The following RTN4 variants were observed in gnomAD, a reference collection of about 807,000 sequenced individuals.
RTN4 encodes reticulon 4.
A neutral mutation model predicts 90.4 loss-of-function variants in RTN4; 32 were observed. The observed-to-expected ratio is 0.35, with a 90% CI of 0.27 to 0.48. The LOEUF (loss-of-function observed/expected upper bound fraction) is 0.48, where lower values mean the gene tolerates loss of function less well. RTN4 is among the 20% of genes least tolerant of loss of function. The pLI, the probability that RTN4 is intolerant of heterozygous loss-of-function variation, is 0.99. For missense variants in RTN4, 1,706 were observed against 1,430.2 expected (o/e 1.19, Z -3.11); for synonymous variants, 629 against 552.5 (o/e 1.14, Z -1.94).
intron 3 of RTN4, among the ~76,000 whole-genome samples, chr2:55,020,343 A>G (rs1166652627): frequency 6.6e-6 from 1 of 152,196 alleles, no homozygotes; most frequent in East Asian, 1.9e-4. Context: ...TACTGGCATA[A>G]AAACAGAAAC....
intron 3 of RTN4, among the ~76,000 whole-genome samples, chr2:54,989,260 T>C (rs1044621566): frequency 2.6e-5 from 4 of 152,220 alleles, no homozygotes; most frequent in Non-Finnish European, 4.4e-5. Flanking sequence ...CAAACACTTA[T>C]TTCAGTTGCC....
intron 1 of RTN4, among the ~76,000 whole-genome samples, chr2:55,032,888 T>C (rs1251942709): frequency 6.6e-6 from 1 of 151,460 alleles, no homozygotes; most frequent in Non-Finnish European, 1.5e-5. Flanking sequence ...AATTAGCCGG[T>C]GTAGTGGTGC....
chr2:55,106,121 T>C (rs1197492222), intron 1 of RTN4, among the ~76,000 whole-genome samples: 3 of 152,166 alleles, frequency 2.0e-5, no homozygotes, highest in African/African-American at 7.2e-5. Context: ...AATATCATAC[T>C]GTTGAGATTT....
chr2:55,016,760 A>C (rs574476727), intron 3 of RTN4, among the ~76,000 whole-genome samples: 7 of 152,174 alleles, frequency 4.6e-5, no homozygotes, highest in Non-Finnish European at 8.8e-5. Flanking sequence ...ACTGCTTCAT[A>C]AACTGTTGCT....
rs1681920678 is a variant in RTN4 at position 55,026,806 on chromosome 2, T to C, written c.1293A>G (p.Gln431=). ...TCTCACTATCTTTTTCGTGATTAGTTTGCTCAAGGCTATCTGCAAAACATT... is the reference window on the plus strand; with the variant it reads ...TCTCACTATCTTTTTCGTGATTAGTCTGCTCAAGGCTATCTGCAAAACATT... ...DKKCFADSLE[Q]TNHEKDSESS... Residue 431 remains glutamine, a synonymous_variant, in exon 3 of 9, where the codon CAA becomes CAG. Coordinates refer to ENST00000337526, the MANE Select transcript of RTN4 (RefSeq NM_020532.5). The C allele has an allele frequency of 6.2e-7, 1 of 1,613,994 alleles. No homozygotes were observed. The highest frequency in any genetic ancestry group is 1.7e-4 in the Middle Eastern group (1 of 6,060).
upstream of RTN4, among the ~76,000 whole-genome samples, chr2:55,052,439 C>T (rs1301955086): frequency 6.6e-6 from 1 of 152,164 alleles, no homozygotes; most frequent in African/African-American, 2.4e-5. Context: ...GGCAATGTTA[C>T]TTGATTGGGT....
chr2:55,087,403 C>T (rs1400847267), intron 1 of RTN4, among the ~76,000 whole-genome samples: 2 of 152,158 alleles, frequency 1.3e-5, no homozygotes, highest in Non-Finnish European at 2.9e-5. Context: ...TATACTTTTA[C>T]AACATATGGA....
At chr2:55,085,731 C>T (rs912475194) in intron 1 of RTN4, among the ~76,000 whole-genome samples, 7 of 152,134 alleles carry the variant, frequency 4.6e-5, no homozygotes, top group Non-Finnish European at 8.8e-5. Flanking sequence ...ATGAGTATTT[C>T]ACATCCTGAA....
At chr2:55,081,441 A>G (rs1290505785) in intron 1 of RTN4, among the ~76,000 whole-genome samples, 1 of 152,192 alleles carries the variant, frequency 6.6e-6, no homozygotes, top group Non-Finnish European at 1.5e-5. Context: ...TCTAATTTAA[A>G]TGGCATATAT....
intron 1 of RTN4, among the ~76,000 whole-genome samples, chr2:55,097,495 A>G (rs1172265542): frequency 6.6e-6 from 1 of 152,074 alleles, no homozygotes. Flanking sequence ...TGGAGGCAGA[A>G]AGAGCAGTTG....
chr2:54,987,649 A>C lies in RTN4; in HGVS notation c.3063T>G (p.Phe1021Leu). ...AAAGCAGCAGGAATAGGCTGGCACC[A>C]AACACCACTCCAGTCTTCTTAATGT... ...WRDIKKTGVV[F>L]GASLFLLLSL... Residue 1021 changes from phenylalanine (F) to leucine (L), a missense_variant, in exon 4 of 9, where the codon TTT becomes TTG. Phe to Leu is a conservative substitution (Grantham distance 22). Coordinates refer to ENST00000337526, the MANE Select transcript of RTN4 (RefSeq NM_020532.5). 6.2e-7 allele frequency: 1 copy of C among 1,614,228 alleles called. No individual in the cohort carries two copies. Among genetic ancestry groups the C allele is most frequent in the Non-Finnish European group, 8.5e-7 (1 of 1,180,028 alleles).
intron 1 of RTN4, among the ~76,000 whole-genome samples, chr2:55,035,870 G>C (rs965565320): frequency 1.3e-5 from 2 of 152,036 alleles, no homozygotes; most frequent in African/African-American, 4.8e-5. Flanking sequence ...CAAAATGAAA[G>C]ACAAGTTTCT....
intron 3 of RTN4, among the ~76,000 whole-genome samples, chr2:55,018,668 CAGGA>C (rs1681212583): frequency 6.6e-6 from 1 of 151,932 alleles, no homozygotes; most frequent in Non-Finnish European, 1.5e-5. Context: ...AATATGAAAT[CAGGA>C]AAGAAAGAAC....
chr2:55,061,622 A>G (rs1668295781), intron 2 of RTN4, among the ~76,000 whole-genome samples: 1 of 152,184 alleles, frequency 6.6e-6, no homozygotes, highest in African/African-American at 2.4e-5. Flanking sequence ...CAATTCTTCT[A>G]CAGAAGAATG....
At chr2:55,013,210 G>A (rs1680773040) in intron 3 of RTN4, among the ~76,000 whole-genome samples, 2 of 152,078 alleles carry the variant, frequency 1.3e-5, no homozygotes, top group South Asian at 2.1e-4. Context: ...GGAGAAGAGG[G>A]GAAAAGTATT....
rs70947003 is a variant in RTN4 at position 55,064,349 on chromosome 2, C to CTTTT, written c.-63+16136_-63+16139dup. ...TATTTAAAATGATAACACAAACATT[C>CTTTT]TTTTTTTTTTTTTTTTTGAGACAGA... On this transcript the variant is annotated intron_variant, in intron 2 of 3. Transcript: ENST00000427710. Among the ~76,000 whole-genome samples, 253 of 133,368 alleles carry CTTTT rather than the reference C, an allele frequency of 1.9e-3. 5 individuals carry two copies. Among genetic ancestry groups the CTTTT allele is most frequent in the Non-Finnish European group, 2.8e-3 (174 of 63,152 alleles). 87.5% of individuals were successfully genotyped at this position (133,368 alleles called of 152,430 possible).
At chr2:54,998,151 A>G (rs1679578444) in intron 3 of RTN4, among the ~76,000 whole-genome samples, 1 of 151,530 alleles carries the variant, frequency 6.6e-6, no homozygotes. Flanking sequence ...TGAATTCTGT[A>G]GAGACAGAAA....
At chr2:55,008,557 C>T (rs1558797460) in intron 3 of RTN4, among the ~76,000 whole-genome samples, 1 of 152,058 alleles carries the variant, frequency 6.6e-6, no homozygotes. Context: ...TTAGGCCATT[C>T]CACTTACAAA....
chr2:54,972,372 A>G lies in RTN4; in HGVS notation c.*784T>C, dbSNP rs1677112134. ...TTTTTGGAAGCATTAGATTCAGTCC[A>G]TAGATTCTGTGACAAAATTAACTAC... On this transcript the variant is annotated 3_prime_UTR_variant, in exon 9 of 9. Coordinates refer to ENST00000337526, the MANE Select transcript of RTN4 (RefSeq NM_020532.5). The G allele has an allele frequency of 6.5e-6, 1 of 152,674 alleles. No individual in the cohort carries two copies. The highest frequency in any genetic ancestry group is 2.4e-5 in the African/African-American group (1 of 41,456). The allele number at this position is 152,674 out of a possible 1,614,324, so 9.5% of individuals were successfully genotyped here. A position where few individuals can be genotyped will look rare whatever the true frequency, so the allele number is the denominator to read the frequency against.
Sources: gnomAD v4.1 joint callset for allele counts (sites outside exome capture counted in the v4.1 genomes callset) on GRCh38, gnomAD v4.1.1 for gene constraint, MANE v1.5 for transcripts, NCBI Gene and HGNC (gene_info 2026-07-23, HGNC 2026-07-21) for gene names.